PPFIBP2: variants seen among roughly 807,000 people sequenced by gnomAD.
PPFIBP2 encodes liprin-beta-2.
A neutral mutation model predicts 118.3 loss-of-function variants in PPFIBP2; 118 were observed. That is an observed-to-expected ratio of 1.00 (90% CI 0.86 to 1.16). The LOEUF (loss-of-function observed/expected upper bound fraction) is 1.16, where lower values mean the gene tolerates loss of function less well. PPFIBP2 is among the 50% of genes most tolerant of loss of function. The probability of loss-of-function intolerance (pLI) is 0.00; values close to 1 mark genes in which losing one functional copy is unlikely to be tolerated. For missense variants in PPFIBP2, 1,195 were observed against 1,073.1 expected, an observed-to-expected ratio of 1.11 and a Z score of -1.59; for synonymous variants, 414 against 397.4, an observed-to-expected ratio of 1.04 and a Z score of -0.50.
intron 2 of PPFIBP2, among the ~76,000 whole-genome samples, chr11:7,558,303 C>A (rs2134635853): frequency 6.6e-6 from 1 of 152,310 alleles, no homozygotes; most frequent in Non-Finnish European, 1.5e-5. Flanking sequence ...CAGTGATACA[C>A]ATGGTTTCTG....
intron 1 of PPFIBP2, among the ~76,000 whole-genome samples, chr11:7,537,618 A>G (rs1851343154): frequency 6.6e-6 from 1 of 152,200 alleles, no homozygotes; most frequent in Non-Finnish European, 1.5e-5. Flanking sequence ...GTTCAGAAGG[A>G]AGGGAAAGAG....
At chr11:7,639,287 C>G (rs540006755) in intron 14 of PPFIBP2, among the ~76,000 whole-genome samples, 2 of 152,300 alleles carry the variant, frequency 1.3e-5, no homozygotes, top group Admixed American at 6.5e-5. Flanking sequence ...TCAGTTTCCT[C>G]TCTTGCAGGA....
chr11:7,651,885 C>T, intron 23 of PPFIBP2, 41 bp downstream of exon 23: 1 of 1,563,876 alleles, frequency 6.4e-7, no homozygotes, highest in Non-Finnish European at 8.7e-7. Flanking sequence ...TGGGCTGCCT[C>T]CTGGCCCTCA....
chr11:7,537,419 T>A (rs1851323167), intron 1 of PPFIBP2, among the ~76,000 whole-genome samples: 1 of 152,080 alleles, frequency 6.6e-6, no homozygotes. Flanking sequence ...TACACACAGG[T>A]GGATATTGCA....
At chr11:7,606,140 C>T (rs999259876) in intron 5 of PPFIBP2, 18 of 1,143,806 alleles carry the variant, frequency 1.6e-5, no homozygotes, top group South Asian at 9.7e-5. Flanking sequence ...TGCAGATGGT[C>T]GGGGGGCAAA....
chr11:7,647,018 T>A (rs1345523565), intron 17 of PPFIBP2, among the ~76,000 whole-genome samples: 2 of 152,182 alleles, frequency 1.3e-5, no homozygotes, highest in South Asian at 2.1e-4. Context: ...TCAGGACCCA[T>A]GAAAGCCCAG....
chr11:7,615,608 A>T lies in PPFIBP2; in HGVS notation c.618+5186A>T, dbSNP rs549229644. ...CTAAATATCTCCCAGCTGAATTCTG[A>T]AGCATTTGAATGTTTACTTGTTTGT... On this transcript the variant is annotated intron_variant, in intron 6 of 23. Transcript: ENST00000299492. 7.2e-5 allele frequency among the ~76,000 whole-genome samples: 11 copies of T among 152,344 alleles called. No individual in the cohort carries two copies. The South Asian group carries it at 2.1e-3, about 29-fold the overall frequency.
At chr11:7,652,091 C>T (rs928733696) in intron 23 of PPFIBP2, among the ~76,000 whole-genome samples, 4 of 152,262 alleles carry the variant, frequency 2.6e-5, no homozygotes, top group Admixed American at 2.0e-4. Context: ...AAGCACCTAT[C>T]CTCAGGTGGC....
intron 2 of PPFIBP2, among the ~76,000 whole-genome samples, chr11:7,555,102 A>G (rs1853453673): frequency 6.6e-6 from 1 of 152,148 alleles, no homozygotes. Flanking sequence ...CAACTGCCAC[A>G]GACACTAATT....
At chr11:7,593,988 A>AT (rs1273709524) in intron 4 of PPFIBP2, among the ~76,000 whole-genome samples, 1 of 152,208 alleles carries the variant, frequency 6.6e-6, no homozygotes, top group African/African-American at 2.4e-5. Flanking sequence ...AAAGGCTAGT[A>AT]TCCTAATCCC....
chr11:7,613,606 A>G (rs1260217290), intron 6 of PPFIBP2, among the ~76,000 whole-genome samples: 1 of 152,222 alleles, frequency 6.6e-6, no homozygotes, highest in Non-Finnish European at 1.5e-5. Flanking sequence ...TGGAAAGTAA[A>G]TACCAAAATC....
At chr11:7,514,523 G>A (rs1849062934) in intron 1 of PPFIBP2, among the ~76,000 whole-genome samples, 1 of 152,204 alleles carries the variant, frequency 6.6e-6, no homozygotes, top group South Asian at 2.1e-4. Flanking sequence ...AGGAGGTTGC[G>A]GAAGCTTTAG....
chr11:7,551,072 C>T (rs1021241957), intron 2 of PPFIBP2, among the ~76,000 whole-genome samples: 2 of 151,918 alleles, frequency 1.3e-5, no homozygotes, highest in African/African-American at 4.8e-5. Flanking sequence ...TATCTATCTC[C>T]TATTAGTTCT....
Position 7,648,555 on chromosome 11 carries a change from G to A in PPFIBP2, c.1797+18G>A. ...TGGAAAAGGTAAGGGCTCAGCTTGG[G>A]GAGAGGAGGCTCCCATTTCTCCCCA... On this transcript the variant is annotated intron_variant, in intron 18 of 23. Coordinates refer to ENST00000299492, the MANE Select transcript of PPFIBP2 (RefSeq NM_003621.5). 1 of 1,611,778 alleles carries A rather than the reference G, an allele frequency of 6.2e-7. No individual in the cohort carries two copies. The highest frequency in any genetic ancestry group is 2.2e-5 in the East Asian group (1 of 44,760).
intron 3 of PPFIBP2, among the ~76,000 whole-genome samples, chr11:7,582,455 C>A (rs1456079819): frequency 6.6e-6 from 1 of 152,170 alleles, no homozygotes; most frequent in Non-Finnish European, 1.5e-5. Context: ...TAACTCCTGC[C>A]AGCTCCTTGA....
chr11:7,517,620 G>A lies in PPFIBP2; in HGVS notation c.-37+3499G>A, dbSNP rs116304950. 2.7e-3 allele frequency among the ~76,000 whole-genome samples: 407 copies of A among 151,994 alleles called. 2 individuals are homozygous for A. Among genetic ancestry groups the A allele is most frequent in the African/African-American group, 9.4e-3 (391 of 41,418 alleles). ...GAGTGAAGGAAAAGGTGTGCAGGAA[G>A]CAGAAAAGTGGAGGGGTGGCTCGGG... is the stretch of plus-strand genomic sequence containing the variant. On this transcript the variant is annotated intron_variant, in intron 1 of 23. Coordinates refer to ENST00000299492, the MANE Select transcript of PPFIBP2 (RefSeq NM_003621.5).
At position 7,653,638 on chromosome 11, in the gene PPFIBP2, G is replaced by A. The variant is rs1191033162; in HGVS notation, c.*420G>A. 1 of 1,293,954 alleles carries A rather than the reference G, an allele frequency of 7.7e-7. No homozygotes were observed. Among genetic ancestry groups the A allele is most frequent in the Admixed American group, 2.3e-5 (1 of 43,718 alleles). 80.2% of individuals were successfully genotyped at this position (1,293,954 alleles called of 1,614,324 possible). On this transcript the variant is annotated 3_prime_UTR_variant, in exon 24 of 24. Coordinates refer to ENST00000299492, the MANE Select transcript of PPFIBP2 (RefSeq NM_003621.5). ...CTTAGGCCCGTGGACCACAGTCTTG[G>A]CTGAGATCAAAGGGATGAGCAACAG...
intron 1 of PPFIBP2, among the ~76,000 whole-genome samples, chr11:7,523,093 G>A (rs1412524284): frequency 1.3e-5 from 2 of 152,060 alleles, no homozygotes; most frequent in Non-Finnish European, 2.9e-5. Flanking sequence ...CAGGATCGGG[G>A]ACTCAGATGG....
intron 7 of PPFIBP2, among the ~76,000 whole-genome samples, chr11:7,625,384 T>C (rs1001971979): frequency 6.6e-6 from 1 of 152,076 alleles, no homozygotes; most frequent in South Asian, 2.1e-4. Context: ...TAAATGTTAC[T>C]GTATGAGTGA....
Sources: allele counts gnomAD v4.1 joint callset (sites outside exome capture counted in the v4.1 genomes callset), GRCh38; gene constraint gnomAD v4.1.1; transcripts MANE v1.5; gene names NCBI Gene and HGNC (gene_info 2026-07-23, HGNC 2026-07-21).